Variants in MYOCD observed in about 807,000 individuals in gnomAD.
MYOCD encodes the protein myocardin.
In MYOCD, 32 loss-of-function variants were observed where a neutral mutation model predicts 96.1. That is an observed-to-expected ratio of 0.33 (90% CI 0.25 to 0.45). MYOCD has a LOEUF of 0.45. Among genes scored for constraint, MYOCD ranks in the 20% least tolerant of loss-of-function variants. The pLI, the probability that MYOCD is intolerant of heterozygous loss-of-function variation, is 1.00. For synonymous variants in MYOCD, 469 were observed against 469.0 expected (o/e 1.00, Z 0.00); for missense variants, 1,133 against 1,200.6 (o/e 0.94, Z 0.83).
intron 5 of MYOCD, among the ~76,000 whole-genome samples, chr17:12,724,318 T>G (rs1031576025): frequency 6.6e-6 from 1 of 152,222 alleles, no homozygotes; most frequent in African/African-American, 2.4e-5. Context: ...CAATTTGCAT[T>G]CTTTGGTTTC....
chr17:12,741,040 TA>T (rs11320825), intron 7 of MYOCD, among the ~76,000 whole-genome samples: 152,346 of 152,346 alleles, frequency 1, 76,173 homozygotes, highest in Non-Finnish European at 1. Flanking sequence ...GCCTGGCCTA[TA>T]CCCAAATAAC....
chr17:12,731,489 C>A (rs2032170764), intron 5 of MYOCD, among the ~76,000 whole-genome samples: 1 of 152,130 alleles, frequency 6.6e-6, no homozygotes, highest in East Asian at 1.9e-4. Context: ...AAACTTGAGA[C>A]AAACAGATGC....
intron 2 of MYOCD, among the ~76,000 whole-genome samples, chr17:12,714,217 T>TAG (rs1424916803): frequency 6.6e-6 from 1 of 151,762 alleles, no homozygotes; most frequent in African/African-American, 2.4e-5. Context: ...CCAACTACCA[T>TAG]TATGGTAGCC....
chr17:12,686,909 C>G (rs2030150164), intron 1 of MYOCD, among the ~76,000 whole-genome samples: 1 of 152,180 alleles, frequency 6.6e-6, no homozygotes, highest in African/African-American at 2.4e-5. Flanking sequence ...TCGAAGGACC[C>G]AGATGGGTTG....
At chr17:12,757,099 G>A (rs1352015881) in intron 11 of MYOCD, among the ~76,000 whole-genome samples, 1 of 152,150 alleles carries the variant, frequency 6.6e-6, no homozygotes, top group Admixed American at 6.6e-5. Context: ...AAGAGAGAGG[G>A]ACACAGATCC....
chr17:12,684,073 G>A (rs1191194697), intron 1 of MYOCD, among the ~76,000 whole-genome samples: 1 of 152,066 alleles, frequency 6.6e-6, no homozygotes, highest in Non-Finnish European at 1.5e-5. Context: ...ATATAAGTAA[G>A]TCTAATTCAC....
chr17:12,732,490 C>T (rs984711635), intron 5 of MYOCD, among the ~76,000 whole-genome samples: 11 of 152,298 alleles, frequency 7.2e-5, no homozygotes, highest in Admixed American at 2.6e-4. Context: ...TAACCACCAC[C>T]AGCACTCACC....
chr17:12,759,352 G>A (rs1237862741), intron 12 of MYOCD, among the ~76,000 whole-genome samples: 1 of 152,166 alleles, frequency 6.6e-6, no homozygotes, highest in East Asian at 1.9e-4. Context: ...CCTAAACCAA[G>A]GTTCTTTTGC....
intron 1 of MYOCD, among the ~76,000 whole-genome samples, chr17:12,690,816 G>T (rs1008473267): frequency 6.6e-6 from 1 of 152,140 alleles, no homozygotes; most frequent in Non-Finnish European, 1.5e-5. Flanking sequence ...CAAATCTAAT[G>T]TAAACTCTTT....
intron 1 of MYOCD, among the ~76,000 whole-genome samples, chr17:12,697,472 C>T (rs1436432998): frequency 6.7e-6 from 1 of 149,372 alleles, no homozygotes; most frequent in Non-Finnish European, 1.5e-5. Flanking sequence ...ATGCCATTCT[C>T]CTGCCTCAGC....
chr17:12,713,729 C>G (rs2031550954), intron 2 of MYOCD, among the ~76,000 whole-genome samples: 1 of 152,000 alleles, frequency 6.6e-6, no homozygotes, highest in Non-Finnish European at 1.5e-5. Flanking sequence ...CTTTGCAGAA[C>G]TCCCTCGACA....
chr17:12,753,172 T>C lies in MYOCD; in HGVS notation c.1884T>C (p.Phe628=), dbSNP rs2150720566. The C allele has an allele frequency of 6.2e-7, 1 of 1,614,156 alleles. No homozygotes were observed. Among genetic ancestry groups the C allele is most frequent in the Middle Eastern group, 1.6e-4 (1 of 6,062 alleles). ...AAACCAATGTACTTTCTTCCACATTTCTCAGCCCCCAGTGTTCCCCTCAGC... is the reference window on the plus strand; with the variant it reads ...AAACCAATGTACTTTCTTCCACATTCCTCAGCCCCCAGTGTTCCCCTCAGC... ...SDQTNVLSST[F]LSPQCSPQHS... is the part of the protein sequence containing the mutation. Residue 628 remains phenylalanine (F), a synonymous_variant, in exon 10 of 14, where the codon TTT becomes TTC. Transcript: ENST00000425538.
In MYOCD at chr17:12,701,742, A is replaced by G. The variant is rs539800469; in HGVS notation, c.56-3386A>G. Reference sequence around the variant, plus strand: ...AATATGGGTTATGGGAAATTATGATATGAAGTAGTTATAATATGTTGTATA... The same window carrying G: ...AATATGGGTTATGGGAAATTATGATGTGAAGTAGTTATAATATGTTGTATA... On this transcript the variant is annotated intron_variant, in intron 1 of 13. Transcript: ENST00000425538. Among the ~76,000 whole-genome samples, 75 of 152,282 alleles carry G rather than the reference A, an allele frequency of 4.9e-4. 1 individual carries two copies. Among genetic ancestry groups the G allele is most frequent in the African/African-American group, 1.6e-3 (68 of 41,568 alleles).
chr17:12,669,507 T>C (rs1170121422), intron 1 of MYOCD, among the ~76,000 whole-genome samples: 1 of 152,158 alleles, frequency 6.6e-6, no homozygotes, highest in Non-Finnish European at 1.5e-5. Context: ...CAAGCAATAG[T>C]GATTACTTTT....
intron 5 of MYOCD, among the ~76,000 whole-genome samples, chr17:12,730,671 A>T (rs1439295065): frequency 6.6e-6 from 1 of 152,188 alleles, no homozygotes; most frequent in East Asian, 1.9e-4. Flanking sequence ...CTACACTGAA[A>T]CTATAGCTAC....
intron 1 of MYOCD, among the ~76,000 whole-genome samples, chr17:12,674,591 A>C (rs1212137185): frequency 6.6e-6 from 1 of 152,240 alleles, no homozygotes; most frequent in Non-Finnish European, 1.5e-5. Flanking sequence ...GAAGTAAAAC[A>C]GACAATTATT....
chr17:12,760,931 A>G (rs1168260882), intron 13 of MYOCD: 1 of 487,546 alleles, frequency 2.1e-6, no homozygotes, highest in Non-Finnish European at 3.7e-6. Context: ...TTTTTCAGCA[A>G]TCATTTTAAT....
In MYOCD at chr17:12,715,380, C is replaced by T. The variant is rs1830162992; in HGVS notation, c.122-139C>T. 1.0e-5 allele frequency: 6 copies of T among 571,990 alleles called. No individual in the cohort carries two copies. In the South Asian group the frequency reaches 1.8e-4, roughly 17 times the overall value. 35.4% of individuals were successfully genotyped at this position (571,990 alleles called of 1,614,324 possible). A position where few individuals can be genotyped will look rare whatever the true frequency, so the allele number is the denominator to read the frequency against. On this transcript the variant is annotated intron_variant, in intron 2 of 13. Coordinates refer to ENST00000425538, the MANE Select transcript of MYOCD (RefSeq NM_001146312.3). Reference sequence around the variant, plus strand: ...GGCCGCTGGTGTCCTCCAGGCCTGTCCTCTCTCATTGCTTGTGGCCTAATA... The same window carrying T: ...GGCCGCTGGTGTCCTCCAGGCCTGTTCTCTCTCATTGCTTGTGGCCTAATA...
chr17:12,754,165 C>T (rs1396939093), intron 10 of MYOCD, among the ~76,000 whole-genome samples: 22 of 151,842 alleles, frequency 1.4e-4, no homozygotes, highest in African/African-American at 4.4e-4. Flanking sequence ...AGTGCAGTGG[C>T]GTGATCTTGG....
Sources: gnomAD v4.1 joint callset for allele counts (sites outside exome capture counted in the v4.1 genomes callset) on GRCh38, gnomAD v4.1.1 for gene constraint, MANE v1.5 for transcripts, NCBI Gene and HGNC (gene_info 2026-07-23, HGNC 2026-07-21) for gene names.